STARD8: variants seen among roughly 807,000 people sequenced by gnomAD.
STARD8 encodes the protein stAR-related lipid transfer protein 8.
A neutral mutation model predicts 69.4 loss-of-function variants in STARD8; 25 were observed. The observed-to-expected ratio is 0.36, with a 90% CI of 0.26 to 0.50. The LOEUF (loss-of-function observed/expected upper bound fraction) is 0.50. Ranked by LOEUF, STARD8 falls within the 20% of genes least tolerant of loss-of-function variation. The pLI is 0.96. For missense variants in STARD8, 921 were observed against 932.5 expected (o/e 0.99, Z 0.16); for synonymous variants, 389 against 374.6 (o/e 1.04, Z -0.45).
intron 1 of STARD8, among the ~76,000 whole-genome samples, chrX:68,653,042 CACATCA>C (rs1174119114): frequency 2.8e-5 from 1 of 35,109 alleles, no homozygotes; most frequent in Non-Finnish European, 5.3e-5. Context: ...ACCACACACA[CACATCA>C]CACACCACAC....
intron 2 of STARD8, among the ~76,000 whole-genome samples, chrX:68,665,926 T>C (rs955501801): frequency 4.5e-5 from 5 of 112,001 alleles, no homozygotes; most frequent in African/African-American, 1.6e-4. Flanking sequence ...GGAAGGAGAC[T>C]TGGAATTTGG....
At chrX:68,719,118 C>A in intron 6 of STARD8, 107 bp from the exon 7 acceptor site, 2 of 956,670 alleles carry the variant, frequency 2.1e-6, no homozygotes. Context: ...CAGCTCCCTG[C>A]ATTTTTTCTT....
At chrX:68,704,259 C>A (rs1258425128) in intron 2 of STARD8, among the ~76,000 whole-genome samples, 1 of 111,732 alleles carries the variant, frequency 8.9e-6, no homozygotes, top group Non-Finnish European at 1.9e-5. Flanking sequence ...TCAGGGGAGG[C>A]TTCGCGGGAG....
intron 1 of STARD8, among the ~76,000 whole-genome samples, chrX:68,657,509 G>T (rs1038121091): frequency 1.8e-5 from 2 of 111,947 alleles, no homozygotes; most frequent in African/African-American, 6.5e-5. Flanking sequence ...ACCCCCAAGT[G>T]CCCTATTGGT....
In STARD8 at chrX:68,657,512, C is replaced by T. The variant is rs866889042; in HGVS notation, c.46-7987C>T. Among the ~76,000 whole-genome samples the T allele has an allele frequency of 4.7e-4, 53 of 111,998 alleles. No homozygotes were observed. In the Middle Eastern group the frequency reaches 0.023, roughly 49 times the overall value. On this transcript the variant is annotated intron_variant, in intron 1 of 14. Coordinates refer to ENST00000374599, the MANE Select transcript of STARD8 (RefSeq NM_001142503.3). ...TTTTCACACTCAACCCCCAAGTGCC[C>T]TATTGGTGGGCACGATTGATTTAGT...
rs1366232941 is a variant in STARD8, at chrX:68,724,452, C to T, written c.*30C>T. On this transcript the variant is annotated 3_prime_UTR_variant, in exon 15 of 15. Transcript: ENST00000374599. ...TGGGCTGGTCCCAGGGTGGCACCAC[C>T]CAGGCCCCCTGGGCACCAAGGGAGC... 2 of 1,145,659 alleles carry T rather than the reference C, an allele frequency of 1.7e-6. No individual in the cohort carries two copies. Among genetic ancestry groups the T allele is most frequent in the Admixed American group, 4.6e-5 (2 of 43,752 alleles). 94.4% of individuals were successfully genotyped at this position (1,145,659 alleles called of 1,213,427 possible). A position where few individuals can be genotyped will look rare whatever the true frequency, so the allele number is the denominator to read the frequency against.
intron 2 of STARD8, among the ~76,000 whole-genome samples, chrX:68,690,394 C>T (rs771020959): frequency 9.2e-6 from 1 of 108,694 alleles, no homozygotes; most frequent in East Asian, 2.9e-4. Flanking sequence ...CATGGGTCTG[C>T]CAGCAGCAGC....
intron 4 of STARD8, 53 bp from the exon 5 acceptor site, chrX:68,716,315 T>C (rs2080090514): frequency 8.7e-7 from 1 of 1,152,429 alleles, no homozygotes; most frequent in Non-Finnish European, 1.2e-6. Context: ...TGGTAGGCTC[T>C]GCCAGGCTTT....
chrX:68,699,053 G>T (rs2079945117), intron 2 of STARD8, among the ~76,000 whole-genome samples: 1 of 111,691 alleles, frequency 9.0e-6, no homozygotes, highest in Admixed American at 9.4e-5. Context: ...TTGCTCTCTG[G>T]CCCCTCCCCA....
At chrX:68,716,305 T>C (rs767321980) in intron 4 of STARD8, 63 bp from the exon 5 acceptor site, 1 of 1,086,101 alleles carries the variant, frequency 9.2e-7, no homozygotes, top group African/African-American at 1.8e-5. Context: ...AGGTGCATCT[T>C]GGTAGGCTCT....
intron 2 of STARD8, among the ~76,000 whole-genome samples, chrX:68,700,413 T>G (rs1284929608): frequency 8.9e-6 from 1 of 112,377 alleles, no homozygotes; most frequent in Non-Finnish European, 1.9e-5. Context: ...CCTCCCTGTT[T>G]TCCCCAAACC....
chrX:68,668,264 TTCTTTCTTTC>T (rs1317572113), intron 2 of STARD8, among the ~76,000 whole-genome samples: 31 of 87,541 alleles, frequency 3.5e-4, no homozygotes, highest in African/African-American at 1.5e-3. Flanking sequence ...CTTTCTTTCT[TTCTTTCTTTC>T]TCTTTCTTTC....
intron 2 of STARD8, among the ~76,000 whole-genome samples, chrX:68,671,957 G>A (rs1338760376): frequency 9.0e-6 from 1 of 111,627 alleles, no homozygotes; most frequent in African/African-American, 3.3e-5. Context: ...CATTTCATTT[G>A]GAGACTGGAG....
intron 1 of STARD8, among the ~76,000 whole-genome samples, chrX:68,651,168 T>C (rs1309181095): frequency 8.9e-6 from 1 of 112,441 alleles, no homozygotes; most frequent in East Asian, 2.8e-4. Context: ...CATACCCTCC[T>C]ATGCACAAGC....
At chrX:68,703,069 T>C (rs942339373) in intron 2 of STARD8, among the ~76,000 whole-genome samples, 3 of 110,889 alleles carry the variant, frequency 2.7e-5, no homozygotes, top group Non-Finnish European at 3.8e-5. Flanking sequence ...CTGGGCAATA[T>C]AGGGAGACAC....
chrX:68,690,022 G>GT (rs200192096), intron 2 of STARD8, among the ~76,000 whole-genome samples: 1 of 105,000 alleles, frequency 9.5e-6, no homozygotes, highest in African/African-American at 3.8e-5. Flanking sequence ...GTTTTGTTTT[G>GT]TTTGTTTGTT....
chrX:68,653,176 A>C (rs1602535503), intron 1 of STARD8, among the ~76,000 whole-genome samples: 2 of 19,276 alleles, frequency 1.0e-4, no homozygotes, highest in Non-Finnish European at 1.9e-4. Flanking sequence ...CCACACACAC[A>C]CAACACAGCA....
intron 2 of STARD8, among the ~76,000 whole-genome samples, chrX:68,711,280 C>G (rs1013819083): frequency 9.2e-6 from 1 of 109,183 alleles, no homozygotes; most frequent in Non-Finnish European, 1.9e-5. Context: ...GAGAGAGAGA[C>G]AGAGAGACAG....
At chrX:68,703,368 C>T (rs2079980857) in intron 2 of STARD8, among the ~76,000 whole-genome samples, 1 of 112,844 alleles carries the variant, frequency 8.9e-6, no homozygotes, top group African/African-American at 3.2e-5. Flanking sequence ...GCCCATAGGC[C>T]CTACAGAGCT....
Sources: gnomAD v4.1 joint callset for allele counts (sites outside exome capture counted in the v4.1 genomes callset) on GRCh38, gnomAD v4.1.1 for gene constraint, MANE v1.5 for transcripts, NCBI Gene and HGNC (gene_info 2026-07-23, HGNC 2026-07-21) for gene names.